C17orf78: variants seen among roughly 807,000 people sequenced by gnomAD.
C17orf78 encodes the protein uncharacterized protein C17orf78.
A neutral mutation model predicts 31.8 loss-of-function variants in C17orf78; 27 were observed. The ratio of observed to expected loss-of-function variants is 0.85; its 90% CI spans 0.63 to 1.17. The LOEUF (loss-of-function observed/expected upper bound fraction) is 1.17, where lower values mean the gene tolerates loss of function less well. Ranked by LOEUF, C17orf78 falls within the 50% of genes most tolerant of loss-of-function variation. The pLI is 0.00. For synonymous variants in C17orf78, 106 were observed against 115.1 expected (o/e 0.92, Z 0.51); for missense variants, 258 against 315.2 (o/e 0.82, Z 1.37).
intron 3 of C17orf78, among the ~76,000 whole-genome samples, chr17:37,380,603 T>G (rs2050206803): frequency 6.6e-6 from 1 of 152,040 alleles, no homozygotes; most frequent in Non-Finnish European, 1.5e-5. Flanking sequence ...TCTTTTTTTT[T>G]GTTTTTGTTT....
At chr17:37,381,900 T>C (rs144890093) in intron 3 of C17orf78, among the ~76,000 whole-genome samples, 3,919 of 152,264 alleles carry the variant, frequency 0.026, 143 homozygotes, top group African/African-American at 0.083. Context: ...GTGCTGGGAT[T>C]ACAGGCGTGA....
intron 3 of C17orf78, among the ~76,000 whole-genome samples, chr17:37,384,036 C>T (rs909167093): frequency 5.3e-5 from 8 of 152,084 alleles, no homozygotes; most frequent in Non-Finnish European, 8.8e-5. Flanking sequence ...GAGCCCGAGG[C>T]GGGCAGAACA....
At chr17:37,391,470 A>T (rs905748522) in intron 6 of C17orf78, among the ~76,000 whole-genome samples, 177 bp from the exon 7 acceptor site, 8 of 152,182 alleles carry the variant, frequency 5.3e-5, no homozygotes, top group African/African-American at 1.9e-4. Context: ...ATTGGTTCTC[A>T]TACCTATGTG....
chr17:37,381,442 TC>T (rs1467146993), intron 3 of C17orf78, among the ~76,000 whole-genome samples: 18 of 152,014 alleles, frequency 1.2e-4, no homozygotes, highest in African/African-American at 4.1e-4. Context: ...CACCTCAGCC[TC>T]CCAAAGTGCT....
chr17:37,391,791 T>C lies in C17orf78; in HGVS notation c.*67T>C, dbSNP rs1597792407. ...TCCTCTCCCTATTAATATGGGCACA[T>C]TCTTGCCAATTTCACACTTGTATCT... is the stretch of plus-strand genomic sequence containing the variant. On this transcript the variant is annotated 3_prime_UTR_variant, in exon 7 of 7. Coordinates refer to ENST00000615133, the MANE Select transcript of C17orf78 (RefSeq NM_173625.5). 15 of 1,357,450 alleles carry C rather than the reference T, an allele frequency of 1.1e-5. No individual in the cohort carries two copies. The East Asian group carries it at 2.8e-4, about 25-fold the overall frequency. The allele number at this position is 1,357,450 out of a possible 1,614,324, so 84.1% of individuals were successfully genotyped here. A position where few individuals can be genotyped will look rare whatever the true frequency, so the allele number is the denominator to read the frequency against.
chr17:37,390,266 TATATA>T (rs2050773232), intron 6 of C17orf78, among the ~76,000 whole-genome samples: 3 of 69,462 alleles, frequency 4.3e-5, no homozygotes, highest in East Asian at 5.8e-4. Flanking sequence ...TATATAATTA[TATATA>T]ATATATTATA....
intron 3 of C17orf78, among the ~76,000 whole-genome samples, chr17:37,383,298 G>A (rs879837581): frequency 9.9e-5 from 15 of 152,040 alleles, no homozygotes; most frequent in Non-Finnish European, 1.5e-4. Flanking sequence ...AGGGGTTAAG[G>A]GGGAGGAGAG....
In C17orf78 at chr17:37,381,916, T is replaced by A. The variant is rs78170395; in HGVS notation, c.391+2534T>A. ...TGCTGGGATTACAGGCGTGAGCCAC[T>A]GCACCCGGCCATGTCTCTTCTATAT... is the stretch of plus-strand genomic sequence containing the variant. On this transcript the variant is annotated intron_variant, in intron 3 of 6. Coordinates refer to ENST00000615133, the MANE Select transcript of C17orf78 (RefSeq NM_173625.5). Among the ~76,000 whole-genome samples, 7 of 152,064 alleles carry A rather than the reference T, an allele frequency of 4.6e-5. No homozygotes were observed. The South Asian group carries it at 1.5e-3, about 32-fold the overall frequency.
rs1297760934 is a variant in C17orf78, at chr17:37,376,072, T to C, written c.-21T>C. ...CAGATGAGCAGTGGTCTGTCTGCAA[T>C]GAGCATGTGCTCAAGCTAACATGGA... On this transcript the variant is annotated 5_prime_UTR_variant, in exon 1 of 7. An upstream start codon of the reference 5' UTR is lost. Transcript: ENST00000615133. 7 of 1,605,248 alleles carry C rather than the reference T, an allele frequency of 4.4e-6. No individual in the cohort carries two copies. The highest frequency in any genetic ancestry group is 6.0e-6 in the Non-Finnish European group (7 of 1,172,012).
At chr17:37,380,904 T>TCTATATTCTACTAGCCCCCTA (rs1568079850) in intron 3 of C17orf78, among the ~76,000 whole-genome samples, 27 of 151,648 alleles carry the variant, frequency 1.8e-4, no homozygotes, top group Middle Eastern at 3.4e-3. Context: ...CCAGGTTTTT[T>TCTATATTCTACTAGCCCCCTA]TTTTTTTTAA....
At chr17:37,383,755 G>A (rs1174585460) in intron 3 of C17orf78, among the ~76,000 whole-genome samples, 1 of 152,082 alleles carries the variant, frequency 6.6e-6, no homozygotes, top group Non-Finnish European at 1.5e-5. Flanking sequence ...TTTTGGCCAG[G>A]CTGGTCTCAA....
chr17:37,379,004 TGAGGCTGGAGTG>T, intron 2 of C17orf78, 121 bp from the exon 3 acceptor site: 1 of 1,116,748 alleles, frequency 9.0e-7, no homozygotes, highest in Non-Finnish European at 1.2e-6. Flanking sequence ...CGAGGGAGTT[TGAGGCTGGAGTG>T]AGCCATGATT....
chr17:37,376,028 G>A lies in C17orf78; in HGVS notation c.-65G>A. On this transcript the variant is annotated 5_prime_UTR_variant, in exon 1 of 7. Coordinates refer to ENST00000615133, the MANE Select transcript of C17orf78 (RefSeq NM_173625.5). ...CGTGTGGTGAAAGCAACTAGAGGCA[G>A]AGCTATCAAGGGCTGTGACAGATGA... 3 of 1,395,874 alleles carry A rather than the reference G, an allele frequency of 2.1e-6. No homozygotes were observed. The South Asian group carries it at 3.5e-5, about 16-fold the overall frequency. 86.5% of individuals were successfully genotyped at this position (1,395,874 alleles called of 1,614,324 possible). A position where few individuals can be genotyped will look rare whatever the true frequency, so the allele number is the denominator to read the frequency against.
Position 37,381,753 on chromosome 17 carries a change from G to A in C17orf78, c.391+2371G>A, listed in dbSNP as rs547010720. On this transcript the variant is annotated intron_variant, in intron 3 of 6. Coordinates refer to ENST00000615133, the MANE Select transcript of C17orf78 (RefSeq NM_173625.5). ...CGCCATTCTCCTGCCTCAGCCTCCC[G>A]AGTAGCTGGGACTACAGGCACTCGC... 1.7e-4 allele frequency among the ~76,000 whole-genome samples: 25 copies of A among 148,722 alleles called. No homozygotes were observed. The South Asian group carries it at 4.8e-3, about 29-fold the overall frequency.
chr17:37,390,395 A>G (rs1389004790), intron 6 of C17orf78, among the ~76,000 whole-genome samples: 16 of 128,720 alleles, frequency 1.2e-4, no homozygotes, highest in African/African-American at 4.8e-4. Context: ...TTGGGAGGCC[A>G]AGGCAGGTGG....
At chr17:37,390,303 A>ATTTT (rs1167945419) in intron 6 of C17orf78, among the ~76,000 whole-genome samples, 1 of 19,948 alleles carries the variant, frequency 5.0e-5, no homozygotes, top group Admixed American at 1.1e-3. Flanking sequence ...ATTATACATA[A>ATTTT]TTATATATAT....
At chr17:37,389,397 TAAAG>T (rs1432143948) in intron 6 of C17orf78, 35 bp downstream of exon 6, 2 of 1,553,558 alleles carry the variant, frequency 1.3e-6, no homozygotes, top group East Asian at 4.9e-5. Flanking sequence ...GTCATTTGCT[TAAAG>T]AAGGTGGGGT....
intron 6 of C17orf78, 109 bp from the exon 7 acceptor site, chr17:37,391,538 G>T: frequency 1.1e-6 from 1 of 925,972 alleles, no homozygotes; most frequent in East Asian, 2.4e-5. Context: ...AAAATGAAGT[G>T]CACTTGGAAT....
rs907852151 is a variant in C17orf78, at chr17:37,392,472, G to T, written c.*748G>T. ...AATAGCTATGAGTCAAATCTAACCT[G>T]CTTAAATAAGAGTTTGGTGAGAAAG... On this transcript the variant is annotated 3_prime_UTR_variant, in exon 7 of 7. Transcript: ENST00000615133. 1.3e-5 allele frequency: 2 copies of T among 152,112 alleles called. No homozygotes were observed. The highest frequency in any genetic ancestry group is 2.9e-5 in the Non-Finnish European group (2 of 68,040). 9.4% of individuals were successfully genotyped at this position (152,112 alleles called of 1,614,324 possible). A position where few individuals can be genotyped will look rare whatever the true frequency, so the allele number is the denominator to read the frequency against.
Sources: gnomAD v4.1 joint callset for allele counts (sites outside exome capture counted in the v4.1 genomes callset) on GRCh38, gnomAD v4.1.1 for gene constraint, MANE v1.5 for transcripts, NCBI Gene and HGNC (gene_info 2026-07-23, HGNC 2026-07-21) for gene names.